FAM3D: variants seen among roughly 807,000 people sequenced by gnomAD.
FAM3D encodes the protein FAM3 metabolism regulating signaling molecule D.
A neutral mutation model predicts 29.8 loss-of-function variants in FAM3D; 26 were observed. The observed-to-expected ratio is 0.87, with a 90% CI of 0.64 to 1.21. The LOEUF (loss-of-function observed/expected upper bound fraction) is 1.21, where lower values mean the gene tolerates loss of function less well. Ranked by LOEUF, FAM3D falls within the 50% of genes most tolerant of loss-of-function variation. The pLI is 0.00. For synonymous variants in FAM3D, 115 were observed against 102.3 expected (o/e 1.12, Z -0.75); for missense variants, 253 against 290.9 (o/e 0.87, Z 0.95).
rs1324023472 is a variant in FAM3D, at chr3:58,655,564, C to A, written c.-1G>T. 6.2e-7 allele frequency: 1 copy of A among 1,613,498 alleles called. No individual in the cohort carries two copies. On this transcript the variant is annotated 5_prime_UTR_variant, in exon 2 of 10. Transcript: ENST00000358781. ...TTCAGAGCCTACCTGACACTCTCAT[C>A]CTGTCCAGGTGAAGGGTGGCTTGGG...
Position 58,646,635 on chromosome 3 carries a change from C to T in FAM3D, c.146-1009G>A, listed in dbSNP as rs149585700. ...AGAATGCTCATCTGCAAAGGGAAAA[C>T]GGGGGTTGGGCAGCCTTTCCCTCCC... On this transcript the variant is annotated intron_variant, in intron 4 of 9. Transcript: ENST00000358781. 2.6e-3 allele frequency among the ~76,000 whole-genome samples: 403 copies of T among 152,306 alleles called. 11 individuals carry two copies. The South Asian group carries it at 0.066, about 25-fold the overall frequency.
intron 7 of FAM3D, among the ~76,000 whole-genome samples, chr3:58,637,643 C>A (rs1436708197): frequency 1.3e-5 from 2 of 152,114 alleles, no homozygotes; most frequent in Non-Finnish European, 2.9e-5. Flanking sequence ...ATTATCTGTG[C>A]TGACTTTAGG....
intron 4 of FAM3D, among the ~76,000 whole-genome samples, chr3:58,646,601 T>C (rs949728373): frequency 2.0e-5 from 3 of 152,196 alleles, no homozygotes; most frequent in Non-Finnish European, 2.9e-5. Context: ...TGGGTAAACA[T>C]GGATTTGGAG....
intron 5 of FAM3D, 29 bp downstream of exon 5, chr3:58,645,480 A>G: frequency 2.0e-6 from 3 of 1,466,588 alleles, no homozygotes; most frequent in East Asian, 2.4e-5. Flanking sequence ...ATAAAATAAA[A>G]TAAACATAGT....
chr3:58,644,868 T>C lies in FAM3D; in HGVS notation c.263+641A>G, dbSNP rs934657581. 5.3e-5 allele frequency among the ~76,000 whole-genome samples: 8 copies of C among 152,168 alleles called. No homozygotes were observed. In the East Asian group the frequency reaches 1.5e-3, roughly 29 times the overall value. ...CATTGTTTGAATCCCTGGATCCAGGTGGTCCTGAAGCCTGCCTACCACCCC... is the reference window on the plus strand; with the variant it reads ...CATTGTTTGAATCCCTGGATCCAGGCGGTCCTGAAGCCTGCCTACCACCCC... On this transcript the variant is annotated intron_variant, in intron 5 of 9. Coordinates refer to ENST00000358781, the MANE Select transcript of FAM3D (RefSeq NM_138805.3).
At chr3:58,648,150 T>C (rs527944127) in intron 4 of FAM3D, among the ~76,000 whole-genome samples, 130 of 152,326 alleles carry the variant, frequency 8.5e-4, no homozygotes, top group African/African-American at 2.8e-3. Context: ...GTCTAAGTGT[T>C]TGATAGCAAC....
chr3:58,664,627 G>C (rs907136786), intron 1 of FAM3D, among the ~76,000 whole-genome samples: 5 of 152,226 alleles, frequency 3.3e-5, no homozygotes, highest in Non-Finnish European at 5.9e-5. Context: ...GGTCAGACAA[G>C]CCAATAAGAT....
chr3:58,653,815 A>G (rs929069217), intron 2 of FAM3D, 34 bp from the exon 3 acceptor site: 9 of 1,561,468 alleles, frequency 5.8e-6, no homozygotes, highest in Non-Finnish European at 7.9e-6. Flanking sequence ...AGGAGACCAC[A>G]GAGCCAAGAC....
intron 1 of FAM3D, among the ~76,000 whole-genome samples, chr3:58,660,006 G>C (rs1370664408): frequency 6.6e-6 from 1 of 152,156 alleles, no homozygotes; most frequent in African/African-American, 2.4e-5. Flanking sequence ...TGCTCCACTT[G>C]TCTCTACCAG....
intron 1 of FAM3D, among the ~76,000 whole-genome samples, chr3:58,665,324 C>T (rs2067009444): frequency 6.6e-6 from 1 of 152,018 alleles, no homozygotes; most frequent in South Asian, 2.1e-4. Context: ...CTGCCCTCCT[C>T]TTTCTTTCCT....
rs1474711447 is a variant in FAM3D at position 58,640,204 on chromosome 3, C to A, written c.323-27G>T. On this transcript the variant is annotated intron_variant, in intron 6 of 9. Coordinates refer to ENST00000358781, the MANE Select transcript of FAM3D (RefSeq NM_138805.3). ...TAGGGGTTAAGAGGAGAACGATTAT[C>A]CCCTGTAACACGTGTCATTCTGCCT... The A allele has an allele frequency of 2.5e-6, 4 of 1,613,260 alleles. No individual in the cohort carries two copies. The South Asian group carries it at 4.4e-5, about 18-fold the overall frequency.
In FAM3D at chr3:58,646,493, G is replaced by T. The variant is rs1169925550; in HGVS notation, c.146-867C>A. 9.2e-5 allele frequency among the ~76,000 whole-genome samples: 14 copies of T among 152,194 alleles called. 1 individual carries two copies. Among genetic ancestry groups the T allele is most frequent in the Admixed American group, 7.2e-4 (11 of 15,276 alleles). ...CCCTCAACGTGCTCTGTGAGTTCTGGGATGACACCCGCCCTTGCAGCCTGG... is the reference window on the plus strand; with the variant it reads ...CCCTCAACGTGCTCTGTGAGTTCTGTGATGACACCCGCCCTTGCAGCCTGG... On this transcript the variant is annotated intron_variant, in intron 4 of 9. Transcript: ENST00000358781.
intron 1 of FAM3D, among the ~76,000 whole-genome samples, chr3:58,662,392 A>G (rs1021415006): frequency 2.0e-5 from 3 of 152,238 alleles, no homozygotes; most frequent in African/African-American, 7.2e-5. Flanking sequence ...AAGGCACGGG[A>G]TCAGGAGATC....
intron 1 of FAM3D, among the ~76,000 whole-genome samples, chr3:58,657,012 A>G (rs11716877): frequency 0.96 from 146,402 of 152,244 alleles, 70,667 homozygotes; most frequent in East Asian, 1. Flanking sequence ...GGCCTTCCAG[A>G]TTAGAAAACC....
intron 1 of FAM3D, among the ~76,000 whole-genome samples, chr3:58,657,925 G>A (rs1358691130): frequency 3.3e-5 from 5 of 152,208 alleles, no homozygotes; most frequent in Admixed American, 2.6e-4. Flanking sequence ...CCCGGCAAAG[G>A]AACGAGGAGA....
At chr3:58,649,212 A>G in intron 4 of FAM3D, 103 bp downstream of exon 4, 6 of 1,396,192 alleles carry the variant, frequency 4.3e-6, no homozygotes, top group Non-Finnish European at 5.9e-6. Context: ...TGGCACCTGC[A>G]GGGCTCAGAG....
At chr3:58,639,971 G>C (rs1019120753) in intron 7 of FAM3D, among the ~76,000 whole-genome samples, 156 bp downstream of exon 7, 2 of 152,102 alleles carry the variant, frequency 1.3e-5, no homozygotes, top group African/African-American at 4.8e-5. Context: ...GAAAGCAGCA[G>C]GACACCCTCA....
At chr3:58,655,303 C>T (rs866767076) in intron 2 of FAM3D, among the ~76,000 whole-genome samples, 1 of 152,118 alleles carries the variant, frequency 6.6e-6, no homozygotes, top group African/African-American at 2.4e-5. Context: ...CCAACCAGGC[C>T]AAGTGTTTCC....
chr3:58,643,167 T>G (rs574361943), intron 6 of FAM3D, among the ~76,000 whole-genome samples: 2 of 152,284 alleles, frequency 1.3e-5, no homozygotes, highest in East Asian at 3.9e-4. Context: ...ACATTGAGAT[T>G]GTTTGTGAGC....
Sources: gnomAD v4.1 joint callset for allele counts (sites outside exome capture counted in the v4.1 genomes callset) on GRCh38, gnomAD v4.1.1 for gene constraint, MANE v1.5 for transcripts, NCBI Gene and HGNC (gene_info 2026-07-23, HGNC 2026-07-21) for gene names.